JARID2: variants seen among roughly 807,000 people sequenced by gnomAD.
JARID2 encodes jumonji and AT-rich interaction domain containing 2, also known as protein Jumonji.
In JARID2, 21 loss-of-function variants were observed where a neutral mutation model predicts 125.6. The ratio of observed to expected loss-of-function variants is 0.17; its 90% confidence interval spans 0.12 to 0.24. The LOEUF (loss-of-function observed/expected upper bound fraction) is 0.24. Ranked by LOEUF, JARID2 falls within the 10% of genes least tolerant of loss-of-function variation. The pLI, the probability that JARID2 is intolerant of heterozygous loss-of-function variation, is 1.00. For missense variants in JARID2, 1,303 were observed against 1,639.6 expected (o/e 0.79, Z 3.55); for synonymous variants, 736 against 661.6 (o/e 1.11, Z -1.73).
At chr6:15,322,027 G>A (rs1440438856) in intron 1 of JARID2, among the ~76,000 whole-genome samples, 1 of 151,938 alleles carries the variant, frequency 6.6e-6, no homozygotes, top group African/African-American at 2.4e-5. Context: ...TCCTGACTTC[G>A]TTGTTCGCCT....
intron 2 of JARID2, among the ~76,000 whole-genome samples, chr6:15,395,486 C>G (rs534096686): frequency 2.6e-5 from 4 of 151,796 alleles, no homozygotes; most frequent in Non-Finnish European, 5.9e-5. Flanking sequence ...AGGATGGTCT[C>G]GATCTCCTGA....
At position 15,521,883 on chromosome 6, in the gene JARID2, T is replaced by TAA. The variant is rs1771875552; in HGVS notation, c.*1633_*1634insAA. The TAA allele has an allele frequency of 6.6e-6, 1 of 152,258 alleles. No individual in the cohort carries two copies. The highest frequency in any genetic ancestry group is 2.4e-5 in the African/African-American group (1 of 41,462). 9.4% of individuals were successfully genotyped at this position (152,258 alleles called of 1,614,324 possible). ...TGACAGTAAACTTCTGCCTATGGCT[T>TAA]ACAGTTTGACATTTAATTTATTAGC... On this transcript the variant is annotated 3_prime_UTR_variant, in exon 18 of 18. Transcript: ENST00000341776.
chr6:15,289,233 G>A (rs1761113807), intron 1 of JARID2, among the ~76,000 whole-genome samples: 1 of 152,108 alleles, frequency 6.6e-6, no homozygotes, highest in Non-Finnish European at 1.5e-5. Flanking sequence ...GGCAGGGCGA[G>A]AGCAAAATAA....
intron 3 of JARID2, among the ~76,000 whole-genome samples, chr6:15,444,060 A>C (rs140867010): frequency 2.6e-5 from 4 of 152,352 alleles, no homozygotes; most frequent in African/African-American, 9.6e-5. Context: ...TTGCATAAAC[A>C]AAGTGTTCCA....
At chr6:15,386,833 T>C (rs949534151) in intron 2 of JARID2, among the ~76,000 whole-genome samples, 4 of 152,236 alleles carry the variant, frequency 2.6e-5, no homozygotes, top group Non-Finnish European at 5.9e-5. Flanking sequence ...AGGCACAGTG[T>C]TGGAATAAGA....
At chr6:15,504,088 G>A (rs1025661086) in intron 8 of JARID2, among the ~76,000 whole-genome samples, 9 of 152,180 alleles carry the variant, frequency 5.9e-5, no homozygotes, top group Admixed American at 3.3e-4. Flanking sequence ...CCCTGGTCAC[G>A]AGTTCCATCA....
chr6:15,366,309 T>G (rs2127501810), intron 1 of JARID2, among the ~76,000 whole-genome samples: 1 of 152,118 alleles, frequency 6.6e-6, no homozygotes, highest in Admixed American at 6.5e-5. Flanking sequence ...ATGGGCCTAG[T>G]TTTTTAGAAT....
intron 3 of JARID2, among the ~76,000 whole-genome samples, chr6:15,434,546 C>T (rs1767120850): frequency 6.6e-6 from 1 of 152,208 alleles, no homozygotes; most frequent in African/African-American, 2.4e-5. Flanking sequence ...CTTCACACCC[C>T]TGGGCACAAC....
intron 1 of JARID2, among the ~76,000 whole-genome samples, chr6:15,327,542 T>C (rs924858987): frequency 3.3e-5 from 5 of 151,274 alleles, no homozygotes; most frequent in South Asian, 4.3e-4. Flanking sequence ...TGTGTGTGTG[T>C]GTGTGTGTGC....
chr6:15,446,479 G>T (rs1767675270), intron 3 of JARID2, among the ~76,000 whole-genome samples: 2 of 152,240 alleles, frequency 1.3e-5, no homozygotes, highest in African/African-American at 4.8e-5. Flanking sequence ...ATCTGGCCTA[G>T]AGGATGAGAA....
intron 3 of JARID2, among the ~76,000 whole-genome samples, chr6:15,447,156 C>T (rs943609278): frequency 6.6e-6 from 1 of 152,142 alleles, no homozygotes; most frequent in African/African-American, 2.4e-5. Context: ...TATTCCCTCA[C>T]CCCCACTGCG....
chr6:15,444,927 T>C (rs1446672863), intron 3 of JARID2, among the ~76,000 whole-genome samples: 1 of 152,072 alleles, frequency 6.6e-6, no homozygotes, highest in African/African-American at 2.4e-5. Context: ...TGCATTCACT[T>C]TAAGCCGCCT....
intron 1 of JARID2, among the ~76,000 whole-genome samples, chr6:15,332,129 G>T (rs563081856): frequency 1.3e-5 from 2 of 152,122 alleles, no homozygotes; most frequent in African/African-American, 4.8e-5. Flanking sequence ...GAGGAAGGAA[G>T]GGTGGGGGGA....
intron 1 of JARID2, among the ~76,000 whole-genome samples, chr6:15,299,954 G>A (rs1761545730): frequency 6.6e-6 from 1 of 152,172 alleles, no homozygotes; most frequent in Admixed American, 6.5e-5. Flanking sequence ...CTCAGGCCCT[G>A]TGGATGTGGG....
At chr6:15,502,453 T>A (rs1273184428) in intron 8 of JARID2, among the ~76,000 whole-genome samples, 1 of 152,076 alleles carries the variant, frequency 6.6e-6, no homozygotes. Context: ...CTGGTGGGAG[T>A]GTGTGGCTAG....
chr6:15,503,045 A>G (rs1004093704), intron 8 of JARID2, among the ~76,000 whole-genome samples: 1 of 152,256 alleles, frequency 6.6e-6, no homozygotes, highest in Non-Finnish European at 1.5e-5. Context: ...GATTCAAATA[A>G]GAGGTTTGGA....
chr6:15,409,123 T>G (rs924169381), intron 2 of JARID2, among the ~76,000 whole-genome samples: 1 of 152,262 alleles, frequency 6.6e-6, no homozygotes, highest in Non-Finnish European at 1.5e-5. Context: ...ATGTATTTTT[T>G]AATCAAATAC....
chr6:15,421,557 G>A (rs1239682238), intron 3 of JARID2, among the ~76,000 whole-genome samples: 2 of 152,110 alleles, frequency 1.3e-5, no homozygotes, highest in Non-Finnish European at 2.9e-5. Flanking sequence ...GTCCTTCTTT[G>A]AAGCTATGTA....
chr6:15,497,511 G>A lies in JARID2; in HGVS notation c.1945+341G>A, dbSNP rs143966389. ...AAAAATACAAAAAAATTAGCCGGGC[G>A]TGGTGGCGGGGGCCTGTAGTCCCAG... On this transcript the variant is annotated intron_variant, in intron 7 of 17. Coordinates refer to ENST00000341776, the MANE Select transcript of JARID2 (RefSeq NM_004973.4). Among the ~76,000 whole-genome samples, 390 of 152,208 alleles carry A rather than the reference G, an allele frequency of 2.6e-3. 9 individuals are homozygous for A. In the East Asian group the frequency reaches 0.063, roughly 24 times the overall value.
Sources: allele counts gnomAD v4.1 joint callset (sites outside exome capture counted in the v4.1 genomes callset), GRCh38; gene constraint gnomAD v4.1.1; transcripts MANE v1.5; gene names NCBI Gene and HGNC (gene_info 2026-07-23, HGNC 2026-07-21).